TUSC3: variants seen among roughly 807,000 people sequenced by gnomAD.
The protein encoded by TUSC3 is dolichyl-diphosphooligosaccharide--protein glycosyltransferase subunit TUSC3.
TUSC3 carries 45 observed loss-of-function variants against 44.8 expected under a neutral mutation model. The observed-to-expected ratio is 1.00, with a 90% CI of 0.79 to 1.29. TUSC3 has a LOEUF of 1.29. Among genes scored for constraint, TUSC3 ranks in the 50% most tolerant of loss-of-function variants. TUSC3 has a pLI of 0.00. For synonymous variants in TUSC3, 212 were observed against 152.9 expected, an observed-to-expected ratio of 1.39 and a Z score of -2.85; for missense variants, 519 against 437.9, an observed-to-expected ratio of 1.19 and a Z score of -1.65.
intron 1 of TUSC3, among the ~76,000 whole-genome samples, chr8:15,564,503 T>C (rs1391781551): frequency 6.6e-6 from 1 of 152,142 alleles, no homozygotes; most frequent in East Asian, 1.9e-4. Flanking sequence ...ATATGTGCAG[T>C]GTCTATTTGA....
chr8:15,465,789 T>G (rs567205100), intron 1 of TUSC3, among the ~76,000 whole-genome samples: 1 of 152,256 alleles, frequency 6.6e-6, no homozygotes, highest in Non-Finnish European at 1.5e-5. Context: ...CAACCCTATC[T>G]TTTTCTCTTA....
At chr8:15,648,674 C>T (rs963407289) in intron 2 of TUSC3, among the ~76,000 whole-genome samples, 2 of 131,312 alleles carry the variant, frequency 1.5e-5, no homozygotes, top group East Asian at 2.4e-4. Context: ...TGCAGTGAGC[C>T]GAGATCGCGC....
intron 2 of TUSC3, among the ~76,000 whole-genome samples, chr8:15,630,364 C>G (rs1043392297): frequency 5.9e-5 from 9 of 152,106 alleles, no homozygotes; most frequent in African/African-American, 1.9e-4. Flanking sequence ...TACATATTAA[C>G]TAACATTTAT....
chr8:15,728,931 A>G (rs1810605067), intron 6 of TUSC3, among the ~76,000 whole-genome samples: 1 of 152,142 alleles, frequency 6.6e-6, no homozygotes, highest in Non-Finnish European at 1.5e-5. Context: ...ATGAGTGGTC[A>G]GATGAAGCAG....
chr8:15,497,907 C>A (rs1486531460), intron 2 of TUSC3, among the ~76,000 whole-genome samples: 1 of 151,944 alleles, frequency 6.6e-6, no homozygotes, highest in South Asian at 2.1e-4. Context: ...TGCCACCATG[C>A]CCAGCTAATT....
chr8:15,437,832 C>A (rs922949224), intron 1 of TUSC3, among the ~76,000 whole-genome samples: 1 of 152,130 alleles, frequency 6.6e-6, no homozygotes, highest in Admixed American at 6.5e-5. Context: ...AACACCTGCA[C>A]TGAGATACTC....
At chr8:15,713,479 G>C (rs1809940130) in intron 6 of TUSC3, among the ~76,000 whole-genome samples, 1 of 152,158 alleles carries the variant, frequency 6.6e-6, no homozygotes. Context: ...TTTGTCAGTT[G>C]TAATAGATAT....
Position 15,638,060 on chromosome 8 carries a change from A to G in TUSC3, c.309-12637A>G, listed in dbSNP as rs1047642768. On this transcript the variant is annotated intron_variant, in intron 2 of 10. Coordinates refer to ENST00000503731, the MANE Select transcript of TUSC3 (RefSeq NM_006765.4). ...TGTGTACTTCCAAGCCCCTTTCTTT[A>G]TGTTCCACAGTAGCCACTGTTCTTG... Among the ~76,000 whole-genome samples the G allele has an allele frequency of 3.3e-5, 5 of 151,864 alleles. No homozygotes were observed. In the East Asian group the frequency reaches 5.8e-4, roughly 18 times the overall value.
the TUSC3 span, among the ~76,000 whole-genome samples, chr8:15,798,240 C>T: frequency 6.6e-6 from 1 of 152,206 alleles, no homozygotes; most frequent in Non-Finnish European, 1.5e-5. Flanking sequence ...CCCTTAAGGT[C>T]ATGTTAACCT....
At chr8:15,424,099 T>C (rs1483602799) in intron 1 of TUSC3, among the ~76,000 whole-genome samples, 2 of 146,936 alleles carry the variant, frequency 1.4e-5, no homozygotes, top group African/African-American at 4.9e-5. Context: ...CAAACGATTC[T>C]CCTGCCTCAG....
intron 8 of TUSC3, among the ~76,000 whole-genome samples, chr8:15,746,399 A>G (rs1472688884): frequency 1.3e-5 from 2 of 151,994 alleles, no homozygotes; most frequent in African/African-American, 4.8e-5. Context: ...TTCCTTTTTG[A>G]TGTGATTTTT....
chr8:15,490,658 A>C (rs1284865101), intron 2 of TUSC3, among the ~76,000 whole-genome samples: 1 of 152,214 alleles, frequency 6.6e-6, no homozygotes, highest in Non-Finnish European at 1.5e-5. Flanking sequence ...GCCCTAAAAG[A>C]GATGCTGATT....
At chr8:15,699,360 A>G (rs1046417131) in intron 6 of TUSC3, among the ~76,000 whole-genome samples, 1 of 152,120 alleles carries the variant, frequency 6.6e-6, no homozygotes, top group Admixed American at 6.5e-5. Context: ...AAAACTTGCA[A>G]ACTTTTAGAC....
chr8:15,593,182 T>A (rs1424428022), intron 1 of TUSC3, among the ~76,000 whole-genome samples: 1 of 152,064 alleles, frequency 6.6e-6, no homozygotes, highest in Non-Finnish European at 1.5e-5. Flanking sequence ...GCCTTCTGGG[T>A]TCAAGCGATT....
intron 1 of TUSC3, among the ~76,000 whole-genome samples, chr8:15,463,616 C>G (rs185265151): frequency 1.4e-4 from 22 of 152,178 alleles, no homozygotes; most frequent in African/African-American, 4.3e-4. Context: ...ACTGAAACAA[C>G]TTTTTCAGAT....
chr8:15,617,627 A>G (rs1402699352), intron 1 of TUSC3, among the ~76,000 whole-genome samples: 2 of 152,208 alleles, frequency 1.3e-5, no homozygotes, highest in East Asian at 1.9e-4. Context: ...GTGGTAATAC[A>G]TACCTCTGTG....
chr8:15,519,611 T>A (rs1173034263), intron 2 of TUSC3, among the ~76,000 whole-genome samples: 1 of 152,092 alleles, frequency 6.6e-6, no homozygotes, highest in Non-Finnish European at 1.5e-5. Flanking sequence ...GTGTACTCCT[T>A]ATGAGAATCT....
At chr8:15,420,530 C>A (rs1201355340) in intron 1 of TUSC3, among the ~76,000 whole-genome samples, 1 of 152,036 alleles carries the variant, frequency 6.6e-6, no homozygotes, top group Admixed American at 6.6e-5. Context: ...GTGGAATCTG[C>A]TTCTGTATGA....
At chr8:15,448,259 C>G (rs1044154886) in intron 1 of TUSC3, among the ~76,000 whole-genome samples, 1 of 151,734 alleles carries the variant, frequency 6.6e-6, no homozygotes, top group African/African-American at 2.4e-5. Context: ...GCTGAGATCA[C>G]AGATGTGTGC....
Sources: gnomAD v4.1 joint callset for allele counts (sites outside exome capture counted in the v4.1 genomes callset) on GRCh38, gnomAD v4.1.1 for gene constraint, MANE v1.5 for transcripts, NCBI Gene and HGNC (gene_info 2026-07-23, HGNC 2026-07-21) for gene names.